The following TMEM132B variants were observed in gnomAD, a reference collection of about 807,000 sequenced individuals.
The protein encoded by TMEM132B is transmembrane protein 132B.
A neutral mutation model predicts 90.8 loss-of-function variants in TMEM132B; 18 were observed. The ratio of observed to expected loss-of-function variants is 0.20; its 90% CI spans 0.14 to 0.29. TMEM132B has a LOEUF of 0.29. Ranked by LOEUF, TMEM132B falls within the 10% of genes least tolerant of loss-of-function variation. The pLI is 1.00. For synonymous variants in TMEM132B, 504 were observed against 523.3 expected (o/e 0.96, Z 0.50); for missense variants, 1,096 against 1,326.8 (o/e 0.83, Z 2.70).
Position 125,277,487 on chromosome 12 carries a change from AAGATG to A in TMEM132B, c.68-71963_68-71959del, listed in dbSNP as rs1875024391. Reference sequence around the variant, plus strand: ...GAGCAAGACTCTGTCTCAAAAAAAAAAGATGAAGAGGGAGAACACACACACACACA... The same window carrying A: ...GAGCAAGACTCTGTCTCAAAAAAAAAAAGAGGGAGAACACACACACACACA... On this transcript the variant is annotated intron_variant, in intron 1 of 8. Transcript: ENST00000682704. This position sits in a 1 kb window ranked among gnomAD's most constrained non-coding sequence, Gnocchi z 4.3. 7.0e-6 allele frequency among the ~76,000 whole-genome samples: 1 copy of A among 143,782 alleles called. No homozygotes were observed. The highest frequency in any genetic ancestry group is 1.5e-5 in the Non-Finnish European group (1 of 67,032). 94.3% of individuals were successfully genotyped at this position (143,782 alleles called of 152,430 possible).
In TMEM132B at chr12:125,584,852, A is replaced by T. The variant is rs141855370; in HGVS notation, c.1437+858A>T. Reference sequence around the variant, plus strand: ...GGGAGAAAGGATTTGAATTTTTAGAATGACTGATCCTTCCTCCTTTAAATT... The same window carrying T: ...GGGAGAAAGGATTTGAATTTTTAGATTGACTGATCCTTCCTCCTTTAAATT... On this transcript the variant is annotated intron_variant, in intron 5 of 8. Coordinates refer to ENST00000682704, the MANE Select transcript of TMEM132B (RefSeq NM_001366854.1). 32 of 152,340 alleles carry T rather than the reference A, an allele frequency of 2.1e-4. 1 individual carries two copies. In the East Asian group the frequency reaches 6.0e-3, roughly 28 times the overall value. 9.4% of individuals were successfully genotyped at this position (152,340 alleles called of 1,614,324 possible).
intron 4 of TMEM132B, among the ~76,000 whole-genome samples, chr12:125,574,129 A>C (rs895689311): frequency 2.0e-5 from 3 of 151,550 alleles, no homozygotes; most frequent in Non-Finnish European, 4.4e-5. Context: ...CATCTCTCTC[A>C]GTAAAGATAC....
At chr12:125,403,751 A>G (rs999346777) in intron 2 of TMEM132B, among the ~76,000 whole-genome samples, 1 of 152,148 alleles carries the variant, frequency 6.6e-6, no homozygotes, top group African/African-American at 2.4e-5. Flanking sequence ...TTCTGTTGTA[A>G]CTTGAATTTC....
intron 3 of TMEM132B, among the ~76,000 whole-genome samples, chr12:125,473,682 A>G (rs1390678812): frequency 6.6e-6 from 1 of 152,222 alleles, no homozygotes; most frequent in Non-Finnish European, 1.5e-5. Flanking sequence ...TTCCACAAGT[A>G]ATCTGGGAGG....
At chr12:125,606,238 GA>G (rs1355565816) in intron 5 of TMEM132B, among the ~76,000 whole-genome samples, 1 of 151,436 alleles carries the variant, frequency 6.6e-6, no homozygotes, top group Non-Finnish European at 1.5e-5. Context: ...AAATATGAAT[GA>G]AAAGGTGAAG....
In TMEM132B at chr12:125,652,449, G is replaced by A. The variant is rs752340613; in HGVS notation, c.1923G>A (p.Ser641=). The A allele has an allele frequency of 6.2e-6, 10 of 1,602,376 alleles. No homozygotes were observed. Among genetic ancestry groups the A allele is most frequent in the African/African-American group, 2.7e-5 (2 of 74,610 alleles). The change falls in exon 8 of 9, where the codon TCG becomes TCA. Residue 641 remains serine, a synonymous_variant. Coordinates refer to ENST00000682704, the MANE Select transcript of TMEM132B (RefSeq NM_001366854.1). Reference sequence around the variant, plus strand: ...CCTCGCTGACTTTTCAGGTCCTCTCGCCGTTGTCTGACTCCATCCTGGCTG... The same window carrying A: ...CCTCGCTGACTTTTCAGGTCCTCTCACCGTTGTCTGACTCCATCCTGGCTG... ...EPGITTVQVL[S]PLSDSILAEK... is the part of the protein sequence containing the mutation.
rs1247630475 is a variant in TMEM132B, at chr12:125,458,368, G to A, written c.1106+42691G>A. On this transcript the variant is annotated intron_variant, in intron 3 of 8. Transcript: ENST00000682704. This position sits in a 1 kb window ranked among gnomAD's most constrained non-coding sequence, Gnocchi z 4.9. Reference sequence around the variant, plus strand: ...CTACCTCTGCCATAAACAACTTGGAGCTTGAATAGAAACCAGGAAACAGCA... The same window carrying A: ...CTACCTCTGCCATAAACAACTTGGAACTTGAATAGAAACCAGGAAACAGCA... Among the ~76,000 whole-genome samples the A allele has an allele frequency of 6.6e-6, 1 of 152,152 alleles. No individual in the cohort carries two copies. The highest frequency in any genetic ancestry group is 6.5e-5 in the Admixed American group (1 of 15,284).
At chr12:125,375,471 A>G (rs1878446718) in intron 2 of TMEM132B, among the ~76,000 whole-genome samples, 1 of 152,256 alleles carries the variant, frequency 6.6e-6, no homozygotes, top group Non-Finnish European at 1.5e-5. Flanking sequence ...ATAGCTAGTC[A>G]TGGAGTGGAG....
chr12:125,514,898 G>C (rs781507905), intron 3 of TMEM132B, among the ~76,000 whole-genome samples: 127 of 152,080 alleles, frequency 8.4e-4, no homozygotes, highest in Non-Finnish European at 1.6e-3. Context: ...TCCTCCTCCT[G>C]GCTGGCACGA....
intron 4 of TMEM132B, among the ~76,000 whole-genome samples, chr12:125,525,228 T>C (rs1165907932): frequency 2.6e-5 from 4 of 152,172 alleles, no homozygotes; most frequent in Non-Finnish European, 2.9e-5. Context: ...TTATTACGGA[T>C]CACAAAGAAT....
chr12:125,627,677 C>A (rs1312347877), intron 5 of TMEM132B, among the ~76,000 whole-genome samples: 1 of 151,962 alleles, frequency 6.6e-6, no homozygotes, highest in Non-Finnish European at 1.5e-5. Context: ...TCCAGTTATA[C>A]TCTTCTAGTT....
intron 3 of TMEM132B, among the ~76,000 whole-genome samples, chr12:125,425,154 G>A (rs1294672475): frequency 1.3e-5 from 2 of 152,148 alleles, no homozygotes; most frequent in Non-Finnish European, 2.9e-5. Flanking sequence ...GCAGTGCCCC[G>A]TTGCTGGCCT....
At chr12:125,604,279 A>C (rs1455028467) in intron 5 of TMEM132B, among the ~76,000 whole-genome samples, 2 of 143,312 alleles carry the variant, frequency 1.4e-5, no homozygotes, top group Non-Finnish European at 3.2e-5. Context: ...AAAGGGAATG[A>C]GACTGTGTCC....
chr12:125,267,319 G>A (rs148743955), intron 1 of TMEM132B, among the ~76,000 whole-genome samples: 47 of 152,214 alleles, frequency 3.1e-4, no homozygotes, highest in African/African-American at 1.1e-3. Context: ...GTGAGGAAGT[G>A]CAGGGCCGCG....
chr12:125,614,506 A>C (rs1885941442), intron 5 of TMEM132B, among the ~76,000 whole-genome samples: 2 of 152,116 alleles, frequency 1.3e-5, no homozygotes, highest in Admixed American at 1.3e-4. Flanking sequence ...TTCTTTATCC[A>C]GTCTACCACT....
At chr12:125,475,796 T>C (rs1352069167) in intron 3 of TMEM132B, among the ~76,000 whole-genome samples, 4 of 152,198 alleles carry the variant, frequency 2.6e-5, no homozygotes, top group Non-Finnish European at 5.9e-5. Context: ...GAAATCTGAC[T>C]AATACAAGGC....
intron 3 of TMEM132B, among the ~76,000 whole-genome samples, chr12:125,455,075 G>A (rs570481096): frequency 9.2e-5 from 14 of 152,268 alleles, no homozygotes; most frequent in Admixed American, 6.5e-4. Flanking sequence ...AACCATTGAC[G>A]ATTCAAGGGA....
intron 1 of TMEM132B, among the ~76,000 whole-genome samples, chr12:125,282,666 C>T (rs558039751): frequency 6.6e-6 from 1 of 152,168 alleles, no homozygotes. Flanking sequence ...ATGTGGCAAT[C>T]AGAGATCCTA....
At chr12:125,509,355 A>T (rs1205417371) in intron 3 of TMEM132B, among the ~76,000 whole-genome samples, 2 of 152,104 alleles carry the variant, frequency 1.3e-5, no homozygotes, top group Non-Finnish European at 2.9e-5. Context: ...CGCATGCAGG[A>T]GGATTATCCT....
Sources: gnomAD v4.1 joint callset for allele counts (sites outside exome capture counted in the v4.1 genomes callset) on GRCh38, gnomAD v4.1.1 for gene constraint, Gnocchi (gnomAD v3.1) non-coding constraint, MANE v1.5 for transcripts, NCBI Gene and HGNC (gene_info 2026-07-23, HGNC 2026-07-21) for gene names.